Variants in C4orf51 observed in about 807,000 individuals in gnomAD.
C4orf51 encodes uncharacterized protein C4orf51.
C4orf51 carries 25 observed loss-of-function variants against 25.2 expected under a neutral mutation model. The ratio of observed to expected loss-of-function variants is 0.99; its 90% CI spans 0.72 to 1.39. The LOEUF (loss-of-function observed/expected upper bound fraction) is 1.39. C4orf51 is among the 40% of genes most tolerant of loss of function. C4orf51 has a pLI of 0.00. For missense variants in C4orf51, 252 were observed against 239.6 expected (o/e 1.05, Z -0.34); for synonymous variants, 100 against 84.5 (o/e 1.18, Z -1.01).
chr4:145,771,651 G>A (rs1421008760), downstream of C4orf51, among the ~76,000 whole-genome samples: 1 of 151,872 alleles, frequency 6.6e-6, no homozygotes, highest in Admixed American at 6.6e-5. Context: ...CCTAATGAGA[G>A]GACAGTTCCT....
At chr4:145,682,855 C>T (rs183439132) in intron 1 of C4orf51, among the ~76,000 whole-genome samples, 1 of 152,180 alleles carries the variant, frequency 6.6e-6, no homozygotes, top group African/African-American at 2.4e-5. Flanking sequence ...AAGACAGGAA[C>T]GTGGCTCAAG....
At chr4:145,729,056 C>T in intron 3 of C4orf51, 113 bp from the exon 4 acceptor site, 1 of 736,256 alleles carries the variant, frequency 1.4e-6, no homozygotes, top group Non-Finnish European at 2.3e-6. Flanking sequence ...ACAGCAGTAT[C>T]AGTGCTTTCT....
intron 2 of C4orf51, among the ~76,000 whole-genome samples, chr4:145,700,831 A>G (rs1029562266): frequency 9.3e-5 from 14 of 150,862 alleles, no homozygotes; most frequent in South Asian, 2.1e-4. Context: ...CTCAGCCTCC[A>G]CTCCTCCACC....
the C4orf51 span, among the ~76,000 whole-genome samples, chr4:145,789,903 G>T: frequency 1.3e-5 from 2 of 152,192 alleles, no homozygotes; most frequent in Non-Finnish European, 2.9e-5. Context: ...GTGGAATTTG[G>T]AGGCTCTGCC....
chr4:145,693,869 G>T (rs1729807672), intron 1 of C4orf51, among the ~76,000 whole-genome samples: 1 of 134,600 alleles, frequency 7.4e-6, no homozygotes, highest in Non-Finnish European at 1.6e-5. Flanking sequence ...CTCCCGGACG[G>T]GGTGGCTGCC....
chr4:145,682,690 G>A (rs952077384), intron 1 of C4orf51, among the ~76,000 whole-genome samples: 7 of 152,136 alleles, frequency 4.6e-5, no homozygotes, highest in East Asian at 1.9e-4. Context: ...AGTTTTAACC[G>A]CAGATATGTA....
In C4orf51 at chr4:145,729,552, T is replaced by C. The variant is rs559575171; in HGVS notation, c.427+323T>C. Among the ~76,000 whole-genome samples, 68 of 152,208 alleles carry C rather than the reference T, an allele frequency of 4.5e-4. 1 individual carries two copies. The South Asian group carries it at 4.6e-3, about 10-fold the overall frequency. ...TTCCGACCTTGTGATCCTCCCTCCT[T>C]GGCCTCCCAAAGTGCTGGGATTACA... On this transcript the variant is annotated intron_variant, in intron 4 of 5. Transcript: ENST00000438731.
intron 2 of C4orf51, among the ~76,000 whole-genome samples, chr4:145,717,122 A>G (rs1251913768): frequency 1.3e-5 from 2 of 152,056 alleles, no homozygotes; most frequent in Admixed American, 1.3e-4. Flanking sequence ...ATTCTGATTA[A>G]CTTTGCTAAT....
At chr4:145,773,561 C>T (rs1320709353), downstream of C4orf51, among the ~76,000 whole-genome samples, 5 of 152,318 alleles carry the variant, frequency 3.3e-5, no homozygotes, top group East Asian at 9.6e-4. Context: ...CAAATGCAGA[C>T]GGAGCTCCTC....
intron 1 of C4orf51, among the ~76,000 whole-genome samples, chr4:145,749,071 A>ATATTTT: frequency 6.7e-6 from 1 of 148,356 alleles, no homozygotes; most frequent in Non-Finnish European, 1.5e-5. Flanking sequence ...GTGTGTATAT[A>ATATTTT]TATATATATA....
chr4:145,710,991 G>C (rs111312463), intron 2 of C4orf51, among the ~76,000 whole-genome samples: 5,355 of 152,254 alleles, frequency 0.035, 281 homozygotes, highest in African/African-American at 0.11. Flanking sequence ...TCTGGTACCA[G>C]TCTTCTTTCC....
intron 1 of C4orf51, among the ~76,000 whole-genome samples, chr4:145,687,913 A>G (rs927669019): frequency 2.0e-5 from 3 of 152,234 alleles, no homozygotes; most frequent in Admixed American, 6.5e-5. Flanking sequence ...ATCGCATGAT[A>G]TAAACTTTTA....
At chr4:145,720,844 C>T (rs1402483737) in intron 2 of C4orf51, among the ~76,000 whole-genome samples, 1 of 152,130 alleles carries the variant, frequency 6.6e-6, no homozygotes, top group Non-Finnish European at 1.5e-5. Context: ...ACTGCTCTCA[C>T]CCTCCTTCCC....
chr4:145,782,838 T>C, the C4orf51 span, among the ~76,000 whole-genome samples: 1 of 152,210 alleles, frequency 6.6e-6, no homozygotes, highest in Non-Finnish European at 1.5e-5. Flanking sequence ...TTAAGTGTCA[T>C]TGCTTTTGAA....
intron 1 of C4orf51, among the ~76,000 whole-genome samples, chr4:145,738,858 C>T (rs1732949783): frequency 6.6e-6 from 1 of 152,246 alleles, no homozygotes; most frequent in South Asian, 2.1e-4. Context: ...CCAGGCTGGT[C>T]TCAAACTTCT....
chr4:145,721,531 G>A (rs1002407184), intron 2 of C4orf51, among the ~76,000 whole-genome samples: 3 of 152,154 alleles, frequency 2.0e-5, no homozygotes, highest in Non-Finnish European at 4.4e-5. Flanking sequence ...CTTCTAGGTG[G>A]TGGGAATTTT....
chr4:145,764,020 C>T (rs188010065), intron 1 of C4orf51, among the ~76,000 whole-genome samples: 111 of 152,328 alleles, frequency 7.3e-4, no homozygotes, highest in African/African-American at 2.6e-3. Flanking sequence ...CTCTCCCTTC[C>T]TCACCCATCT....
chr4:145,755,370 T>C (rs1295135376), downstream of C4orf51, among the ~76,000 whole-genome samples: 1 of 152,182 alleles, frequency 6.6e-6, no homozygotes, highest in African/African-American at 2.4e-5. Flanking sequence ...GGAAATGATT[T>C]TGAAGTGTGA....
At chr4:145,724,524 A>G (rs1731930484) in intron 2 of C4orf51, among the ~76,000 whole-genome samples, 3 of 152,142 alleles carry the variant, frequency 2.0e-5, no homozygotes, top group African/African-American at 7.2e-5. Flanking sequence ...CAAGCAAGAC[A>G]CCCTTTCAGC....
Sources: allele counts gnomAD v4.1 joint callset (sites outside exome capture counted in the v4.1 genomes callset), GRCh38; gene constraint gnomAD v4.1.1; transcripts MANE v1.5; gene names NCBI Gene and HGNC (gene_info 2026-07-23, HGNC 2026-07-21).